RGS6: variants seen among roughly 807,000 people sequenced by gnomAD.
The protein encoded by RGS6 is regulator of G protein signaling 6.
A neutral mutation model predicts 78.5 loss-of-function variants in RGS6; 30 were observed. The ratio of observed to expected loss-of-function variants is 0.38; its 90% CI spans 0.29 to 0.52. The LOEUF is 0.52. RGS6 is among the 20% of genes least tolerant of loss of function. The pLI is 0.85. For synonymous variants in RGS6, 206 were observed against 206.0 expected (o/e 1.00, Z 0.00); for missense variants, 495 against 609.7 (o/e 0.81, Z 1.98).
chr14:72,124,862 A>G (rs1269168105), intron 2 of RGS6, among the ~76,000 whole-genome samples: 1 of 152,194 alleles, frequency 6.6e-6, no homozygotes, highest in Non-Finnish European at 1.5e-5. Flanking sequence ...CATAACTCCC[A>G]TGCCCTTCTC....
At chr14:72,448,791 T>A (rs2095427402) in intron 3 of RGS6, among the ~76,000 whole-genome samples, 1 of 152,188 alleles carries the variant, frequency 6.6e-6, no homozygotes, top group South Asian at 2.1e-4. Context: ...TGGAAAGTTA[T>A]ACAGAGTTAA....
At chr14:72,512,184 C>A (rs2096886685) in intron 14 of RGS6, among the ~76,000 whole-genome samples, 1 of 152,148 alleles carries the variant, frequency 6.6e-6, no homozygotes, top group Non-Finnish European at 1.5e-5. Flanking sequence ...TACCTCTAAG[C>A]CCGTAAGTAG....
At chr14:71,885,308 C>T in the RGS6 span, among the ~76,000 whole-genome samples, 5 of 152,210 alleles carry the variant, frequency 3.3e-5, no homozygotes, top group Admixed American at 2.0e-4. Flanking sequence ...TCTACTCCAT[C>T]GACATAGCCA....
intron 2 of RGS6, among the ~76,000 whole-genome samples, chr14:72,170,963 C>T (rs2097005502): frequency 1.3e-5 from 2 of 152,052 alleles, no homozygotes; most frequent in Admixed American, 1.3e-4. Flanking sequence ...TTGGGCAGAG[C>T]CAGTATCTTA....
chr14:72,088,702 C>T lies in RGS6; in HGVS notation c.84+123827C>T, dbSNP rs541634245. Among the ~76,000 whole-genome samples the T allele has an allele frequency of 3.1e-4, 47 of 152,276 alleles. No individual in the cohort carries two copies. In the East Asian group the frequency reaches 8.1e-3, roughly 26 times the overall value. On this transcript the variant is annotated intron_variant, in intron 2 of 17. Transcript: ENST00000553525. Reference sequence around the variant, plus strand: ...GCTTAAAAATCCCCCCGTCGTTTCCCGTTGCTCTTAGAACAACATCCACAC... The same window carrying T: ...GCTTAAAAATCCCCCCGTCGTTTCCTGTTGCTCTTAGAACAACATCCACAC...
chr14:72,196,161 T>C (rs1020760078), intron 2 of RGS6, among the ~76,000 whole-genome samples: 6 of 152,054 alleles, frequency 3.9e-5, no homozygotes, highest in Admixed American at 2.6e-4. Flanking sequence ...AAGGTGGACA[T>C]ACAGCCTCTG....
chr14:72,397,662 T>C (rs1436916676), intron 3 of RGS6, among the ~76,000 whole-genome samples: 1 of 152,240 alleles, frequency 6.6e-6, no homozygotes, highest in Non-Finnish European at 1.5e-5. Flanking sequence ...TTTTTGTCCA[T>C]TCAGTATGAT....
At chr14:72,586,382 G>A in the RGS6 span, among the ~76,000 whole-genome samples, 3 of 152,076 alleles carry the variant, frequency 2.0e-5, no homozygotes, top group African/African-American at 7.2e-5. Flanking sequence ...AAAATGCTTG[G>A]TGCCTCCTCC....
At chr14:72,022,400 T>G (rs767610066) in intron 2 of RGS6, 2 of 148,768 alleles carry the variant, frequency 1.3e-5, no homozygotes, top group Non-Finnish European at 2.9e-5. Context: ...TTTTACAAAG[T>G]TTTTTTTCAA....
intron 12 of RGS6, among the ~76,000 whole-genome samples, chr14:72,494,617 C>G (rs2153413042): frequency 6.6e-6 from 1 of 152,144 alleles, no homozygotes; most frequent in East Asian, 1.9e-4. Flanking sequence ...ATCAACATAT[C>G]TATTAGATCA....
intron 3 of RGS6, among the ~76,000 whole-genome samples, chr14:72,441,707 A>T (rs1490867882): frequency 6.6e-6 from 1 of 152,206 alleles, no homozygotes; most frequent in East Asian, 1.9e-4. Context: ...GTGGCATCAG[A>T]CCAGAGGCCC....
rs12436355 is a variant in RGS6 at position 72,258,074 on chromosome 14, A to T, written c.85-94021A>T. 5.0e-3 allele frequency among the ~76,000 whole-genome samples: 767 copies of T among 152,346 alleles called. 24 individuals are homozygous for T. Among genetic ancestry groups the T allele is most frequent in the Admixed American group, 0.046 (703 of 15,302 alleles). On this transcript the variant is annotated intron_variant, in intron 2 of 17. Transcript: ENST00000553525. Reference sequence around the variant, plus strand: ...TTCTAGGTCAAGAGCAGAGTTTTGTATACAGCAGATTCATTTTGGAGCACT... The same window carrying T: ...TTCTAGGTCAAGAGCAGAGTTTTGTTTACAGCAGATTCATTTTGGAGCACT...
the RGS6 span, among the ~76,000 whole-genome samples, chr14:72,621,556 A>G: frequency 1.3e-5 from 2 of 152,214 alleles, no homozygotes; most frequent in Non-Finnish European, 2.9e-5. Context: ...GGGCAACAGG[A>G]AAGCTTTTGA....
chr14:71,990,765 T>A (rs1595767357), intron 2 of RGS6: 1 of 455,964 alleles, frequency 2.2e-6, no homozygotes. Context: ...CTCTCCAAAC[T>A]CCAAATGCCT....
intron 2 of RGS6, among the ~76,000 whole-genome samples, chr14:72,070,809 A>G (rs958646392): frequency 2.0e-5 from 3 of 152,220 alleles, no homozygotes; most frequent in Non-Finnish European, 4.4e-5. Context: ...CCCAAGGCAA[A>G]AGCCAGCTTC....
chr14:71,974,329 A>C (rs757222363), intron 2 of RGS6, among the ~76,000 whole-genome samples: 21 of 152,198 alleles, frequency 1.4e-4, no homozygotes, highest in African/African-American at 1.9e-4. Context: ...AAATGGACAC[A>C]TTTTTTTGAT....
chr14:72,488,282 T>G (rs2239273), intron 12 of RGS6, among the ~76,000 whole-genome samples: 22,110 of 152,282 alleles, frequency 0.15, 1,673 homozygotes, highest in Admixed American at 0.19. Context: ...CTCTATAGCA[T>G]GTCTTGACGC....
At chr14:72,528,129 C>T (rs778670813) in intron 15 of RGS6, among the ~76,000 whole-genome samples, 4 of 152,178 alleles carry the variant, frequency 2.6e-5, no homozygotes, top group Non-Finnish European at 5.9e-5. Flanking sequence ...GTCTGATTAG[C>T]TTCCCCACCT....
chr14:72,289,750 A>G (rs2063242724), intron 2 of RGS6, among the ~76,000 whole-genome samples: 1 of 152,248 alleles, frequency 6.6e-6, no homozygotes, highest in African/African-American at 2.4e-5. Flanking sequence ...CACAGAAGAT[A>G]GAAGCCCACA....
Sources: gnomAD v4.1 joint callset for allele counts (sites outside exome capture counted in the v4.1 genomes callset) on GRCh38, gnomAD v4.1.1 for gene constraint, MANE v1.5 for transcripts, NCBI Gene and HGNC (gene_info 2026-07-23, HGNC 2026-07-21) for gene names.